Variants in HACD2 observed in about 807,000 individuals in gnomAD.
HACD2 encodes the protein very-long-chain (3R)-3-hydroxyacyl-CoA dehydratase 2.
A neutral mutation model predicts 31.0 loss-of-function variants in HACD2; 15 were observed. The ratio of observed to expected loss-of-function variants is 0.48; its 90% CI spans 0.32 to 0.75. HACD2 has a LOEUF of 0.75. Ranked by LOEUF, HACD2 falls within the 30% of genes least tolerant of loss-of-function variation. The pLI, the probability that HACD2 is intolerant of heterozygous loss-of-function variation, is 0.03. For synonymous variants in HACD2, 115 were observed against 122.2 expected, an observed-to-expected ratio of 0.94 and a Z score of 0.39; for missense variants, 283 against 313.0, an observed-to-expected ratio of 0.90 and a Z score of 0.72.
At chr3:123,532,709 G>A (rs1424650247) in intron 3 of HACD2, among the ~76,000 whole-genome samples, 4 of 151,872 alleles carry the variant, frequency 2.6e-5, no homozygotes, top group East Asian at 1.9e-4. Context: ...GGTGGCAGTC[G>A]CCTGTAATCC....
At chr3:123,528,164 C>T (rs570014915) in intron 4 of HACD2, among the ~76,000 whole-genome samples, 71 of 152,320 alleles carry the variant, frequency 4.7e-4, no homozygotes, top group African/African-American at 1.7e-3. Context: ...GATTACAGGA[C>T]TTTACCATTT....
rs191471577 is a variant in HACD2, at chr3:123,529,457, G to A, written c.293-983C>T. Among the ~76,000 whole-genome samples, 198 of 150,174 alleles carry A rather than the reference G, an allele frequency of 1.3e-3. 2 individuals are homozygous for A. The highest frequency in any genetic ancestry group is 1.5e-3 in the African/African-American group (63 of 41,102). ...AAAAAATAAATGGCCAGAAACAGTG[G>A]CTCACGCCTGTAATCCCAACACTCT... On this transcript the variant is annotated intron_variant, in intron 3 of 6. Coordinates refer to ENST00000383657, the MANE Select transcript of HACD2 (RefSeq NM_198402.5).
chr3:123,564,164 G>A (rs888392035), intron 3 of HACD2, among the ~76,000 whole-genome samples: 11 of 152,248 alleles, frequency 7.2e-5, no homozygotes, highest in Admixed American at 5.9e-4. Context: ...GGTAGAACGA[G>A]TCTGGGAGTG....
intron 2 of HACD2, among the ~76,000 whole-genome samples, chr3:123,574,194 T>C (rs1446332855): frequency 6.6e-6 from 1 of 152,246 alleles, no homozygotes; most frequent in African/African-American, 2.4e-5. Flanking sequence ...TTCACCAACA[T>C]GTGTCTCCCA....
chr3:123,584,990 T>C lies in HACD2; in HGVS notation c.38A>G (p.Asn13Ser). The change falls in exon 1 of 7, where the codon AAT (asparagine) becomes AGT (serine). Residue 13 changes from asparagine (N) to serine (S), a missense_variant. Asn to Ser is a conservative substitution (Grantham distance 46). Around this residue, in one of 3 missense-constraint regions of HACD2, gnomAD observed 158 missense variants for 148.3 expected, o/e 1.07. Coordinates refer to ENST00000383657, the MANE Select transcript of HACD2 (RefSeq NM_198402.5). ...CCCGGCCCTGCCACCGCCGCCCCCA[T>C]TCCCCTTCGCTGCTGCAGTCGCCGC... Reference protein sequence around the residue: ...AVAATAAAKGNGGGGGRAGAG... With the variant: ...AVAATAAAKGSGGGGGRAGAG... 1 of 1,366,138 alleles carries C rather than the reference T, an allele frequency of 7.3e-7. No individual in the cohort carries two copies. The highest frequency in any genetic ancestry group is 9.8e-7 in the Non-Finnish European group (1 of 1,018,278). 84.6% of individuals were successfully genotyped at this position (1,366,138 alleles called of 1,614,324 possible).
intron 3 of HACD2, among the ~76,000 whole-genome samples, chr3:123,542,134 G>T (rs1325946241): frequency 1.2e-5 from 1 of 81,096 alleles, no homozygotes; most frequent in Non-Finnish European, 2.0e-5. Context: ...GCGACAGAGC[G>T]AGACTCCGTC....
intron 3 of HACD2, among the ~76,000 whole-genome samples, chr3:123,546,726 T>G (rs2056563936): frequency 6.6e-6 from 1 of 152,214 alleles, no homozygotes; most frequent in South Asian, 2.1e-4. Context: ...AATGCAATCC[T>G]ACTTATCCTT....
chr3:123,522,423 C>A (rs1372215120), intron 4 of HACD2, among the ~76,000 whole-genome samples: 1 of 150,434 alleles, frequency 6.6e-6, no homozygotes, highest in African/African-American at 2.4e-5. Context: ...GAAATAAAAT[C>A]TTCATACACA....
intron 6 of HACD2, 47 bp downstream of exon 6, chr3:123,500,468 G>T: frequency 7.7e-7 from 1 of 1,303,308 alleles, no homozygotes; most frequent in Non-Finnish European, 1.1e-6. Context: ...TTATTGTAGA[G>T]CCAAATTTTA....
intron 3 of HACD2, among the ~76,000 whole-genome samples, chr3:123,557,934 T>A (rs1472110831): frequency 6.6e-6 from 1 of 152,234 alleles, no homozygotes; most frequent in Non-Finnish European, 1.5e-5. Flanking sequence ...TTGGTATTTA[T>A]CCAAAGGATT....
At chr3:123,545,598 C>T (rs573617850) in intron 3 of HACD2, among the ~76,000 whole-genome samples, 1 of 146,316 alleles carries the variant, frequency 6.8e-6, no homozygotes, top group African/African-American at 2.5e-5. Context: ...CACCATATTG[C>T]CAATTCTGTT....
intron 4 of HACD2, 23 bp from the exon 5 acceptor site, chr3:123,502,704 GA>G (rs201126671): frequency 1.9e-6 from 3 of 1,574,024 alleles, no homozygotes; most frequent in African/African-American, 1.4e-5. Context: ...GAAAACAAAA[GA>G]AAAAAAACAC....
intron 4 of HACD2, among the ~76,000 whole-genome samples, chr3:123,520,403 T>C (rs148441070): frequency 6.6e-6 from 1 of 152,210 alleles, no homozygotes; most frequent in African/African-American, 2.4e-5. Context: ...AGAGCTACAC[T>C]GTCTAATAGT....
chr3:123,502,560 C>G lies in HACD2; in HGVS notation c.503G>C (p.Arg168Thr). 1 of 1,610,608 alleles carries G rather than the reference C, an allele frequency of 6.2e-7. No homozygotes were observed. The highest frequency in any genetic ancestry group is 8.5e-7 in the Non-Finnish European group (1 of 1,178,188). Residue 168 changes from arginine to threonine, a missense_variant and splice_region_variant, in exon 5 of 7, where the codon AGG becomes ACG. Arg to Thr is a moderately conservative substitution (Grantham distance 71). This residue lies in a region of HACD2 where 85 missense variants were observed against 129.6 expected (regional missense o/e 0.66). Coordinates refer to ENST00000383657, the MANE Select transcript of HACD2 (RefSeq NM_198402.5). ...AGCCTTTTGAAATGTGCTTTTTTAC[C>G]TGGCCCATTTGATGAGGTAAGGCAG... ...NHLPYLIKWA[R>T]YTLFIVLYPM...
chr3:123,570,178 C>T (rs2056838909), intron 2 of HACD2, among the ~76,000 whole-genome samples: 1 of 152,056 alleles, frequency 6.6e-6, no homozygotes, highest in Non-Finnish European at 1.5e-5. Context: ...TTTATAATGC[C>T]TCCTCTACCA....
intron 4 of HACD2, among the ~76,000 whole-genome samples, chr3:123,513,041 G>C (rs2056084109): frequency 6.6e-6 from 1 of 152,064 alleles, no homozygotes; most frequent in African/African-American, 2.4e-5. Flanking sequence ...AGATGAGTCT[G>C]GAAATCTTTT....
intron 1 of HACD2, 70 bp from the exon 2 acceptor site, chr3:123,582,399 G>T: frequency 2.0e-6 from 2 of 1,010,034 alleles, no homozygotes; most frequent in Non-Finnish European, 2.9e-6. Flanking sequence ...TTAACACACA[G>T]CTGTGGCAAT....
chr3:123,500,761 C>T (rs1576726669), intron 5 of HACD2, 68 bp from the exon 6 acceptor site: 3 of 1,006,852 alleles, frequency 3.0e-6, no homozygotes, highest in South Asian at 3.2e-5. Flanking sequence ...GCACTTCCCA[C>T]CCTTCTAATC....
At chr3:123,512,490 G>A (rs902909918) in intron 4 of HACD2, among the ~76,000 whole-genome samples, 3 of 152,122 alleles carry the variant, frequency 2.0e-5, no homozygotes, top group African/African-American at 7.2e-5. Context: ...TGAGGACATG[G>A]AAAGGTGAGG....
Sources: gnomAD v4.1 joint callset for allele counts (sites outside exome capture counted in the v4.1 genomes callset) on GRCh38, gnomAD v4.1.1 for gene constraint, gnomAD v4.1.1 regional missense constraint, MANE v1.5 for transcripts, NCBI Gene and HGNC (gene_info 2026-07-23, HGNC 2026-07-21) for gene names.